The following SNX29 variants were observed in gnomAD, a reference collection of about 807,000 sequenced individuals.
SNX29 encodes sorting nexin 29, also known as sorting nexin-29.
A neutral mutation model predicts 102.1 loss-of-function variants in SNX29; 78 were observed. The observed-to-expected ratio is 0.76, with a 90% CI of 0.64 to 0.92. The LOEUF (loss-of-function observed/expected upper bound fraction) is 0.92. Ranked by LOEUF, SNX29 falls within the 40% of genes least tolerant of loss-of-function variation. The pLI is 0.00. For synonymous variants in SNX29, 580 were observed against 414.5 expected, an observed-to-expected ratio of 1.40 and a Z score of -4.85; for missense variants, 1,280 against 1,061.7, an observed-to-expected ratio of 1.21 and a Z score of -2.86.
In SNX29 at chr16:12,135,667, G is replaced by C; in HGVS notation, c.1595+5909G>C. Reference sequence around the variant, plus strand: ...AGTCTCATTTGAGCTCCTGGATCCAGTCTTTCCTGAAGCTGTGTTTCCTCT... The same window carrying C: ...AGTCTCATTTGAGCTCCTGGATCCACTCTTTCCTGAAGCTGTGTTTCCTCT... On this transcript the variant is annotated intron_variant, in intron 13 of 20. Transcript: ENST00000566228. The C allele has an allele frequency of 2.4e-6, 3 of 1,267,214 alleles. No individual in the cohort carries two copies. In the South Asian group the frequency reaches 3.8e-5, roughly 16 times the overall value. The allele number at this position is 1,267,214 out of a possible 1,614,324, so 78.5% of individuals were successfully genotyped here. A position where few individuals can be genotyped will look rare whatever the true frequency, so the allele number is the denominator to read the frequency against.
At chr16:12,209,727 C>A (rs1019953949) in intron 14 of SNX29, among the ~76,000 whole-genome samples, 2 of 152,232 alleles carry the variant, frequency 1.3e-5, no homozygotes, top group Non-Finnish European at 2.9e-5. Context: ...CTGCTCAGCC[C>A]TCCTCGGTCA....
At chr16:12,562,009 A>C (rs1314591411) in intron 20 of SNX29, among the ~76,000 whole-genome samples, 2 of 152,288 alleles carry the variant, frequency 1.3e-5, no homozygotes, top group African/African-American at 4.8e-5. Flanking sequence ...CCTGCAACCC[A>C]GGAGGCCTGG....
intron 13 of SNX29, among the ~76,000 whole-genome samples, chr16:12,157,855 C>T (rs1021504521): frequency 1.3e-5 from 2 of 152,186 alleles, no homozygotes; most frequent in African/African-American, 4.8e-5. Flanking sequence ...GTGCTTGTCT[C>T]CGTCTGCCCG....
rs74377383 is a variant in SNX29 at position 12,357,409 on chromosome 16, T to G, written c.1899+1130T>G. ...TGCTTTGTGTCATCACAGTCAGTGT[T>G]CAAATTTCCAATTGCCTCATACCTT... is the stretch of plus-strand genomic sequence containing the variant. On this transcript the variant is annotated intron_variant, in intron 16 of 20. Coordinates refer to ENST00000566228, the MANE Select transcript of SNX29 (RefSeq NM_032167.5). Among the ~76,000 whole-genome samples, 455 of 152,358 alleles carry G rather than the reference T, an allele frequency of 3.0e-3. 2 individuals carry two copies. Among genetic ancestry groups the G allele is most frequent in the Admixed American group, 5.2e-3 (79 of 15,294 alleles).
In SNX29 at chr16:12,399,790, A is replaced by G. The variant is rs980274802; in HGVS notation, c.1955+1289A>G. 2.6e-5 allele frequency among the ~76,000 whole-genome samples: 4 copies of G among 152,142 alleles called. No individual in the cohort carries two copies. In the East Asian group the frequency reaches 5.8e-4, roughly 22 times the overall value. Reference sequence around the variant, plus strand: ...AGAGGCTGAGGTGGGTGAGAGGTGAAGGATGAAAATCAAAGGTGAATTTGC... The same window carrying G: ...AGAGGCTGAGGTGGGTGAGAGGTGAGGGATGAAAATCAAAGGTGAATTTGC... On this transcript the variant is annotated intron_variant, in intron 17 of 20. Transcript: ENST00000566228.
In SNX29 at chr16:12,568,716, G is replaced by GA. The variant is rs1271506910; in HGVS notation, c.*88dup. ...TGCCGCTGGCCCCTCACCTCAGCGT[G>GA]ACAACCACGTCCACCTGGTGATCCT... On this transcript the variant is annotated 3_prime_UTR_variant, in exon 21 of 21. Coordinates refer to ENST00000566228, the MANE Select transcript of SNX29 (RefSeq NM_032167.5). The GA allele has an allele frequency of 3.3e-6, 5 of 1,533,878 alleles. No homozygotes were observed. Among genetic ancestry groups the GA allele is most frequent in the Admixed American group, 2.0e-5 (1 of 51,000 alleles).
At chr16:12,309,240 C>T (rs927395650) in intron 15 of SNX29, among the ~76,000 whole-genome samples, 4 of 152,136 alleles carry the variant, frequency 2.6e-5, no homozygotes, top group Non-Finnish European at 5.9e-5. Flanking sequence ...GTGGACAGAA[C>T]GCTGTGTTAG....
At position 12,197,163 on chromosome 16, in the gene SNX29, T is replaced by C. The variant is rs565866642; in HGVS notation, c.1596-2438T>C. Among the ~76,000 whole-genome samples, 3 of 152,326 alleles carry C rather than the reference T, an allele frequency of 2.0e-5. No individual in the cohort carries two copies. The South Asian group carries it at 6.2e-4, about 32-fold the overall frequency. On this transcript the variant is annotated intron_variant, in intron 13 of 20. Coordinates refer to ENST00000566228, the MANE Select transcript of SNX29 (RefSeq NM_032167.5). Reference sequence around the variant, plus strand: ...TTCCATGAACTGTTGTTTAGAAATGTCTATAACTGCCTTTCTTTCCCTGAT... The same window carrying C: ...TTCCATGAACTGTTGTTTAGAAATGCCTATAACTGCCTTTCTTTCCCTGAT...
At chr16:12,215,798 C>T (rs1020451796) in intron 14 of SNX29, among the ~76,000 whole-genome samples, 1 of 152,190 alleles carries the variant, frequency 6.6e-6, no homozygotes, top group African/African-American at 2.4e-5. Flanking sequence ...AAAAACACCC[C>T]GTTTCCTGCC....
chr16:11,993,512 T>C (rs73515632), intron 1 of SNX29, among the ~76,000 whole-genome samples: 2,178 of 152,246 alleles, frequency 0.014, 56 homozygotes, highest in African/African-American at 0.049. Flanking sequence ...TGATAGCTAA[T>C]TTTATTAAAT....
rs570022972 is a variant in SNX29, at chr16:12,291,528, A to G, written c.1782+13492A>G. 1.6e-4 allele frequency among the ~76,000 whole-genome samples: 25 copies of G among 152,302 alleles called. 1 individual carries two copies. In the South Asian group the frequency reaches 4.8e-3, roughly 29 times the overall value. ...TTGGGTGGGGACAAAGGCAAACCATATCAGTAGGTTTTCCTCCTCAGGGTC... is the reference window on the plus strand; with the variant it reads ...TTGGGTGGGGACAAAGGCAAACCATGTCAGTAGGTTTTCCTCCTCAGGGTC... On this transcript the variant is annotated intron_variant, in intron 15 of 20. Coordinates refer to ENST00000566228, the MANE Select transcript of SNX29 (RefSeq NM_032167.5).
At chr16:12,479,296 C>A (rs1424125483) in intron 19 of SNX29, among the ~76,000 whole-genome samples, 1 of 152,224 alleles carries the variant, frequency 6.6e-6, no homozygotes, top group African/African-American at 2.4e-5. Flanking sequence ...TCAGGAGGTA[C>A]CGTGCTAGCA....
At chr16:12,121,223 C>T (rs1450844952) in intron 11 of SNX29, among the ~76,000 whole-genome samples, 2 of 152,156 alleles carry the variant, frequency 1.3e-5, no homozygotes, top group Non-Finnish European at 2.9e-5. Context: ...GCCCAGGGGA[C>T]AGTGTGCTTT....
At chr16:11,984,924 G>A (rs2055553939) in intron 1 of SNX29, among the ~76,000 whole-genome samples, 1 of 152,110 alleles carries the variant, frequency 6.6e-6, no homozygotes, top group Non-Finnish European at 1.5e-5. Context: ...CAAAGTGCCA[G>A]GATTACAGGT....
intron 18 of SNX29, among the ~76,000 whole-genome samples, chr16:12,456,907 C>G (rs1028554276): frequency 2.0e-5 from 3 of 152,172 alleles, no homozygotes; most frequent in African/African-American, 7.2e-5. Context: ...GGGGCATTAG[C>G]ATCTTGTCTG....
At position 12,156,639 on chromosome 16, in the gene SNX29, A is replaced by G. The variant is rs143434638; in HGVS notation, c.1595+26881A>G. Among the ~76,000 whole-genome samples, 3 of 152,356 alleles carry G rather than the reference A, an allele frequency of 2.0e-5. No individual in the cohort carries two copies. The East Asian group carries it at 5.8e-4, about 29-fold the overall frequency. On this transcript the variant is annotated intron_variant, in intron 13 of 20. Coordinates refer to ENST00000566228, the MANE Select transcript of SNX29 (RefSeq NM_032167.5). ...TGTTTGTCTTCAAAACTGATTTTGT[A>G]AGTGCTGAGAGCCGTGTTTTGTTTC...
At chr16:12,135,769 C>A in intron 13 of SNX29, 1 of 444,392 alleles carries the variant, frequency 2.3e-6, no homozygotes, top group Non-Finnish European at 4.0e-6. Context: ...CCATTATACT[C>A]ATAAGAGTCC....
At chr16:12,161,937 T>C (rs1171278421) in intron 13 of SNX29, among the ~76,000 whole-genome samples, 1 of 152,186 alleles carries the variant, frequency 6.6e-6, no homozygotes, top group Non-Finnish European at 1.5e-5. Context: ...CAGCCTCAGG[T>C]ATTCCTGATG....
At chr16:12,208,111 CG>C (rs1457123803) in intron 14 of SNX29, among the ~76,000 whole-genome samples, 1 of 152,140 alleles carries the variant, frequency 6.6e-6, no homozygotes, top group African/African-American at 2.4e-5. Flanking sequence ...CACTTAAGAG[CG>C]GGGAGATGAT....
Sources: allele counts gnomAD v4.1 joint callset (sites outside exome capture counted in the v4.1 genomes callset), GRCh38; gene constraint gnomAD v4.1.1; transcripts MANE v1.5; gene names NCBI Gene and HGNC (gene_info 2026-07-23, HGNC 2026-07-21).